Variants in BBX observed in about 807,000 individuals in gnomAD.
BBX encodes HMG box transcription factor BBX.
A neutral mutation model predicts 100.2 loss-of-function variants in BBX; 30 were observed. The observed-to-expected ratio is 0.30, with a 90% CI of 0.22 to 0.41. BBX has a LOEUF of 0.41. BBX is among the 10% of genes least tolerant of loss of function. The probability of loss-of-function intolerance (pLI) is 1.00; values close to 1 mark genes in which losing one functional copy is unlikely to be tolerated. For missense variants in BBX, 1,023 were observed against 1,129.8 expected (o/e 0.91, Z 1.35); for synonymous variants, 376 against 388.1 (o/e 0.97, Z 0.37).
chr3:107,719,155 CTGTT>C (rs1431764116), intron 5 of BBX, among the ~76,000 whole-genome samples: 2 of 151,934 alleles, frequency 1.3e-5, no homozygotes, highest in African/African-American at 2.4e-5. Context: ...TAAATATGGT[CTGTT>C]TTTCAAGGCT....
chr3:107,544,972 C>T (rs964470678), intron 2 of BBX, among the ~76,000 whole-genome samples: 6 of 151,718 alleles, frequency 4.0e-5, no homozygotes, highest in African/African-American at 7.2e-5. Context: ...AGCCGAGATC[C>T]GCCATTGTAC....
chr3:107,598,530 A>G (rs746111311), intron 2 of BBX, among the ~76,000 whole-genome samples: 4 of 152,218 alleles, frequency 2.6e-5, no homozygotes, highest in Non-Finnish European at 4.4e-5. Context: ...CCACAGTAAG[A>G]TTACTTTCTG....
intron 5 of BBX, among the ~76,000 whole-genome samples, chr3:107,724,848 T>A (rs548479955): frequency 7.7e-4 from 118 of 152,334 alleles, no homozygotes; most frequent in African/African-American, 2.6e-3. Flanking sequence ...GCGTGATGCC[T>A]CCAGCTTTGT....
rs1406480874 is a variant in BBX, at chr3:107,716,709, T to C, written c.265T>C (p.Leu89=). Residue 89 remains leucine (L), a synonymous_variant, in exon 5 of 18, where the codon TTA becomes CTA. Coordinates refer to ENST00000325805, the MANE Select transcript of BBX (RefSeq NM_001142568.3). ...RARRPMNAFL[L]FCKRHRSLVR... is the part of the protein sequence containing the mutation. ...CCGGAGACCAATGAATGCATTTCTT[T>C]TATTTTGCAAACGCCATCGCTCTCT... The C allele has an allele frequency of 3.1e-6, 5 of 1,613,822 alleles. No homozygotes were observed. The highest frequency in any genetic ancestry group is 4.2e-6 in the Non-Finnish European group (5 of 1,179,826).
intron 2 of BBX, among the ~76,000 whole-genome samples, chr3:107,575,784 A>T (rs592665): frequency 0.11 from 16,349 of 152,210 alleles, 993 homozygotes; most frequent in Non-Finnish European, 0.12. Flanking sequence ...GTTTTAGTAA[A>T]TAGCAAGTTT....
rs188551781 is a variant in BBX, at chr3:107,605,799, A to G, written c.-83-40037A>G. Among the ~76,000 whole-genome samples the G allele has an allele frequency of 2.0e-3, 302 of 152,346 alleles. 1 individual carries two copies. In the Middle Eastern group the frequency reaches 0.031, roughly 15 times the overall value. On this transcript the variant is annotated intron_variant, in intron 2 of 17. Transcript: ENST00000325805. The stretch of plus-strand genomic sequence containing the variant: ...GACATAGTGCTTAGCCAGGGTACTT[A>G]GTACATAAGACATACTAGTATGTAA...
chr3:107,572,629 T>C lies in BBX; in HGVS notation c.-84+46231T>C, dbSNP rs373913603. On this transcript the variant is annotated intron_variant, in intron 2 of 17. Coordinates refer to ENST00000325805, the MANE Select transcript of BBX (RefSeq NM_001142568.3). ...GGTATAATCATTTCAGTATTTAATA[T>C]AAAAATGTATAAACAGGCTGATTTT... Among the ~76,000 whole-genome samples, 9 of 152,292 alleles carry C rather than the reference T, an allele frequency of 5.9e-5. No individual in the cohort carries two copies. In the South Asian group the frequency reaches 1.7e-3, roughly 28 times the overall value.
intron 8 of BBX, 65 bp from the exon 9 acceptor site, chr3:107,747,900 C>G: frequency 7.3e-7 from 1 of 1,366,468 alleles, no homozygotes; most frequent in African/African-American, 1.4e-5. Flanking sequence ...AAATATATGG[C>G]AGAATCTTAT....
At chr3:107,646,896 T>C (rs984598331) in intron 3 of BBX, among the ~76,000 whole-genome samples, 3 of 152,154 alleles carry the variant, frequency 2.0e-5, no homozygotes, top group Non-Finnish European at 4.4e-5. Flanking sequence ...ATGATGTCAG[T>C]ATAAATATAA....
chr3:107,650,571 A>G (rs995618847), intron 3 of BBX, among the ~76,000 whole-genome samples: 6 of 152,198 alleles, frequency 3.9e-5, no homozygotes, highest in African/African-American at 9.6e-5. Context: ...TGCTTTTTCT[A>G]AAATGACTAC....
At chr3:107,625,967 A>G (rs956855373) in intron 2 of BBX, among the ~76,000 whole-genome samples, 4 of 152,152 alleles carry the variant, frequency 2.6e-5, no homozygotes, top group Non-Finnish European at 1.5e-5. Flanking sequence ...TATACCTTAC[A>G]TCTTGAGTTA....
intron 2 of BBX, among the ~76,000 whole-genome samples, chr3:107,621,097 G>T (rs959238254): frequency 6.6e-6 from 1 of 151,970 alleles, no homozygotes; most frequent in Non-Finnish European, 1.5e-5. Context: ...AAGGGCCACA[G>T]TTTTTTTTCT....
chr3:107,805,633 T>C lies in BBX; in HGVS notation c.*176T>C, dbSNP rs2071012402. The C allele has an allele frequency of 3.2e-6, 4 of 1,232,934 alleles. No homozygotes were observed. The highest frequency in any genetic ancestry group is 3.4e-6 in the Non-Finnish European group (3 of 895,262). 76.4% of individuals were successfully genotyped at this position (1,232,934 alleles called of 1,614,324 possible). A position where few individuals can be genotyped will look rare whatever the true frequency, so the allele number is the denominator to read the frequency against. On this transcript the variant is annotated 3_prime_UTR_variant, in exon 18 of 18. Coordinates refer to ENST00000325805, the MANE Select transcript of BBX (RefSeq NM_001142568.3). ...TAGCATCCTGGGCCAGTTTGTTCTC[T>C]CAGAACCCAGAATCTTTGAGGGTAA...
At chr3:107,641,798 T>C (rs1301538505) in intron 2 of BBX, 1 of 152,196 alleles carries the variant, frequency 6.6e-6, no homozygotes, top group Non-Finnish European at 1.5e-5. Flanking sequence ...CAGTTAAAGA[T>C]TGGTGCCTGG....
intron 3 of BBX, among the ~76,000 whole-genome samples, chr3:107,668,063 G>C (rs1244087565): frequency 7.9e-5 from 12 of 152,074 alleles, no homozygotes; most frequent in Non-Finnish European, 1.3e-4. Flanking sequence ...GATTGTTTTT[G>C]TAAAAACAAT....
intron 2 of BBX, among the ~76,000 whole-genome samples, chr3:107,570,752 C>CAGAT (rs2051293895): frequency 6.6e-6 from 1 of 151,852 alleles, no homozygotes; most frequent in African/African-American, 2.4e-5. Context: ...GGGGAGAGGT[C>CAGAT]AGATGGGTCT....
At chr3:107,706,426 G>A (rs1404067524) in intron 3 of BBX, among the ~76,000 whole-genome samples, 1 of 151,964 alleles carries the variant, frequency 6.6e-6, no homozygotes, top group Non-Finnish European at 1.5e-5. Flanking sequence ...CACCTGTCCT[G>A]CCATACACAG....
At chr3:107,752,639 GTACC>G (rs1560096161) in intron 9 of BBX, among the ~76,000 whole-genome samples, 1 of 152,168 alleles carries the variant, frequency 6.6e-6, no homozygotes, top group Non-Finnish European at 1.5e-5. Flanking sequence ...CACTTTAGCT[GTACC>G]TCATGTACTG....
In BBX at chr3:107,755,693, A is replaced by G; in HGVS notation, c.906+15A>G. 6.3e-7 allele frequency: 1 copy of G among 1,597,288 alleles called. No individual in the cohort carries two copies. Among genetic ancestry groups the G allele is most frequent in the Non-Finnish European group, 8.6e-7 (1 of 1,164,854 alleles). ...AACTGGCAGAGGCAAGTTCCTAAGA[A>G]TATATTGAGATAAGATCTGCAGAGG... On this transcript the variant is annotated intron_variant, in intron 10 of 17. Transcript: ENST00000325805.
Sources: gnomAD v4.1 joint callset for allele counts (sites outside exome capture counted in the v4.1 genomes callset) on GRCh38, gnomAD v4.1.1 for gene constraint, MANE v1.5 for transcripts, NCBI Gene and HGNC (gene_info 2026-07-23, HGNC 2026-07-21) for gene names.